The following ADAMTS17 variants were observed in gnomAD, a reference collection of about 807,000 sequenced individuals.
ADAMTS17 encodes A disintegrin and metalloproteinase with thrombospondin motifs 17.
In ADAMTS17, 113 loss-of-function variants were observed where a neutral mutation model predicts 141.5. The ratio of observed to expected loss-of-function variants is 0.80; its 90% CI spans 0.69 to 0.93. ADAMTS17 has a LOEUF of 0.93. Among genes scored for constraint, ADAMTS17 ranks in the 40% least tolerant of loss-of-function variants. The probability of loss-of-function intolerance (pLI) is 0.00; values close to 1 mark genes in which losing one functional copy is unlikely to be tolerated. For missense variants in ADAMTS17, 1,659 were observed against 1,517.9 expected (o/e 1.09, Z -1.54); for synonymous variants, 768 against 630.6 (o/e 1.22, Z -3.27).
At chr15:100,149,609 T>C (rs183213445) in intron 10 of ADAMTS17, among the ~76,000 whole-genome samples, 404 of 152,304 alleles carry the variant, frequency 2.7e-3, no homozygotes, top group Non-Finnish European at 4.7e-3. Flanking sequence ...CTCTGGCTTA[T>C]ACCCTTTCTC....
At chr15:100,213,314 T>G (rs1430046101) in intron 7 of ADAMTS17, among the ~76,000 whole-genome samples, 2 of 152,232 alleles carry the variant, frequency 1.3e-5, no homozygotes, top group African/African-American at 4.8e-5. Context: ...GGATTTGTTT[T>G]GGGTTGATAA....
rs767074176 is a variant in ADAMTS17 at position 100,132,141 on chromosome 15, C to A, written c.1587G>T (p.Ala529=). ...TECGADKWCR[A]GECVSKTPIP... The stretch of plus-strand genomic sequence containing the variant: ...TGGGCGTCTTGCTCACGCACTCCCC[C>A]GCGCGGCACCACTGAAACACAGCGG... The change falls in exon 12 of 22, where the codon GCG becomes GCT. Residue 529 remains alanine, a synonymous_variant. Transcript: ENST00000268070. The A allele has an allele frequency of 3.1e-6, 5 of 1,613,596 alleles. No individual in the cohort carries two copies. The highest frequency in any genetic ancestry group is 2.5e-6 in the Non-Finnish European group (3 of 1,179,920).
chr15:100,012,646 T>C (rs2061209229), intron 18 of ADAMTS17, among the ~76,000 whole-genome samples: 1 of 152,238 alleles, frequency 6.6e-6, no homozygotes, highest in South Asian at 2.1e-4. Flanking sequence ...AAGGGTGTCC[T>C]TTCCCCACTT....
chr15:100,185,136 C>A (rs2040663727), intron 8 of ADAMTS17, among the ~76,000 whole-genome samples: 1 of 152,190 alleles, frequency 6.6e-6, no homozygotes, highest in South Asian at 2.1e-4. Context: ...ACACTGAGAC[C>A]TTACTTCAAA....
intron 2 of ADAMTS17, among the ~76,000 whole-genome samples, chr15:100,331,473 A>G (rs373437398): frequency 6.6e-6 from 1 of 152,174 alleles, no homozygotes; most frequent in Non-Finnish European, 1.5e-5. Context: ...ATCCCTGGGT[A>G]TATTAAGAGT....
chr15:100,188,897 C>A (rs1229749529), intron 8 of ADAMTS17, among the ~76,000 whole-genome samples: 1 of 152,216 alleles, frequency 6.6e-6, no homozygotes, highest in East Asian at 1.9e-4. Context: ...CCGAAAACAC[C>A]CCCGCAGAAA....
chr15:100,303,173 TTA>T (rs200794262), intron 3 of ADAMTS17, among the ~76,000 whole-genome samples: 1 of 146,702 alleles, frequency 6.8e-6, no homozygotes, highest in Non-Finnish European at 1.5e-5. Context: ...ATATAAAAAT[TTA>T]TATATATAAA....
chr15:100,053,794 T>C, intron 16 of ADAMTS17, 103 bp downstream of exon 16: 4 of 1,572,586 alleles, frequency 2.5e-6, no homozygotes, highest in South Asian at 2.2e-5. Flanking sequence ...GCCAGATGCA[T>C]TTCCTGCCCC....
intron 3 of ADAMTS17, among the ~76,000 whole-genome samples, chr15:100,318,095 C>A (rs996343439): frequency 6.6e-6 from 1 of 152,034 alleles, no homozygotes; most frequent in Non-Finnish European, 1.5e-5. Context: ...ACTGAGGTGA[C>A]GGGTCAGAGT....
intron 7 of ADAMTS17, among the ~76,000 whole-genome samples, chr15:100,241,609 G>A (rs1320945377): frequency 1.3e-5 from 2 of 152,148 alleles, no homozygotes; most frequent in African/African-American, 4.8e-5. Context: ...GAGCCCCTAG[G>A]TGCCATTCAT....
intron 7 of ADAMTS17, among the ~76,000 whole-genome samples, chr15:100,237,447 G>A (rs888433891): frequency 2.2e-4 from 33 of 152,234 alleles, no homozygotes; most frequent in Non-Finnish European, 4.1e-4. Flanking sequence ...TCCACACGAC[G>A]ACAGGAAGAG....
At chr15:100,259,629 C>G (rs1287117108) in intron 6 of ADAMTS17, among the ~76,000 whole-genome samples, 1 of 152,222 alleles carries the variant, frequency 6.6e-6, no homozygotes, top group East Asian at 1.9e-4. Flanking sequence ...TCTTCAATAA[C>G]TGATTGTCTA....
At chr15:100,056,444 A>C (rs751598322) in intron 15 of ADAMTS17, among the ~76,000 whole-genome samples, 2 of 123,044 alleles carry the variant, frequency 1.6e-5, no homozygotes, top group Non-Finnish European at 3.4e-5. Context: ...GGTTGGGGGA[A>C]GTGGGGTGGC....
intron 8 of ADAMTS17, among the ~76,000 whole-genome samples, chr15:100,182,374 C>T (rs934578354): frequency 5.9e-5 from 9 of 152,176 alleles, no homozygotes; most frequent in African/African-American, 1.7e-4. Flanking sequence ...TTGGGGATTA[C>T]GCGATTACAA....
intron 15 of ADAMTS17, among the ~76,000 whole-genome samples, chr15:100,090,739 G>C (rs917091849): frequency 2.0e-5 from 3 of 152,156 alleles, no homozygotes; most frequent in African/African-American, 7.2e-5. Flanking sequence ...TGGGCGCAGT[G>C]GCTCACGCCT....
chr15:100,007,256 C>G lies in ADAMTS17; in HGVS notation c.2592-9667G>C, dbSNP rs142499474. ...TCACAATGTCCAGGAGGTGGAGGGA[C>G]TGTGGTGCAACTGACAAGTCTGGGA... On this transcript the variant is annotated intron_variant, in intron 18 of 21. Transcript: ENST00000268070. Among the ~76,000 whole-genome samples the G allele has an allele frequency of 7.2e-4, 110 of 152,286 alleles. 1 individual carries two copies. The highest frequency in any genetic ancestry group is 2.6e-3 in the African/African-American group (109 of 41,554).
intron 15 of ADAMTS17, among the ~76,000 whole-genome samples, chr15:100,076,194 C>T (rs2034364128): frequency 6.6e-6 from 1 of 152,110 alleles, no homozygotes; most frequent in Non-Finnish European, 1.5e-5. Context: ...AGGCGCCCAC[C>T]ACCATGCACA....
intron 18 of ADAMTS17, among the ~76,000 whole-genome samples, chr15:100,006,457 A>G (rs1039761262): frequency 2.6e-5 from 4 of 152,230 alleles, no homozygotes; most frequent in African/African-American, 4.8e-5. Flanking sequence ...TGTTGCAAAG[A>G]AACAATGCCA....
At chr15:99,998,632 T>C (rs1189090861) in intron 18 of ADAMTS17, among the ~76,000 whole-genome samples, 2 of 151,998 alleles carry the variant, frequency 1.3e-5, no homozygotes, top group Admixed American at 1.3e-4. Flanking sequence ...AAATAAAACT[T>C]CAGGTCCCTG....
Sources: allele counts gnomAD v4.1 joint callset (sites outside exome capture counted in the v4.1 genomes callset), GRCh38; gene constraint gnomAD v4.1.1; transcripts MANE v1.5; gene names NCBI Gene and HGNC (gene_info 2026-07-23, HGNC 2026-07-21).